Variants in PSD3 observed in about 807,000 individuals in gnomAD.
PSD3 encodes the protein PH and SEC7 domain-containing protein 3.
Under a neutral mutation model 105.5 loss-of-function variants are expected in PSD3, and 49 were observed. The observed-to-expected ratio is 0.46, with a 90% CI of 0.37 to 0.59. The LOEUF (loss-of-function observed/expected upper bound fraction) is 0.59. PSD3 is among the 20% of genes least tolerant of loss of function. PSD3 has a pLI of 0.00. For synonymous variants in PSD3, 557 were observed against 457.8 expected, an observed-to-expected ratio of 1.22 and a Z score of -2.77; for missense variants, 1,561 against 1,263.8, an observed-to-expected ratio of 1.24 and a Z score of -3.57.
intron 1 of PSD3, among the ~76,000 whole-genome samples, chr8:19,053,330 GCA>G (rs1407904020): frequency 1.3e-5 from 2 of 152,058 alleles, no homozygotes; most frequent in Admixed American, 6.5e-5. Flanking sequence ...GCCCCCTGCT[GCA>G]CACACCCACT....
At chr8:18,734,799 C>T (rs573807045) in intron 9 of PSD3, among the ~76,000 whole-genome samples, 2 of 152,304 alleles carry the variant, frequency 1.3e-5, no homozygotes, top group South Asian at 2.1e-4. Flanking sequence ...AGGAAGACCA[C>T]AGTTTCTCAT....
chr8:18,795,756 C>T (rs151211640), intron 8 of PSD3, among the ~76,000 whole-genome samples: 62 of 152,288 alleles, frequency 4.1e-4, no homozygotes, highest in South Asian at 2.9e-3. Context: ...GGAAACAGAA[C>T]GCATTTGAAG....
In PSD3 at chr8:18,534,393, G is replaced by C. The variant is rs1799749939; in HGVS notation, c.*1350C>G. On this transcript the variant is annotated 3_prime_UTR_variant, in exon 16 of 16. Coordinates refer to ENST00000327040, the MANE Select transcript of PSD3 (RefSeq NM_015310.4). ...CTCTTCCTCTACAGAAGAATATTCT[G>C]TTTATCACCCTGAACTTCAAAGGGA... is the stretch of plus-strand genomic sequence containing the variant. 6.6e-6 allele frequency: 1 copy of C among 152,588 alleles called. No individual in the cohort carries two copies. Among genetic ancestry groups the C allele is most frequent in the Non-Finnish European group, 1.5e-5 (1 of 68,020 alleles). 9.5% of individuals were successfully genotyped at this position (152,588 alleles called of 1,614,324 possible). A position where few individuals can be genotyped will look rare whatever the true frequency, so the allele number is the denominator to read the frequency against.
At chr8:18,657,487 T>C (rs897043890) in intron 9 of PSD3, among the ~76,000 whole-genome samples, 8 of 152,184 alleles carry the variant, frequency 5.3e-5, no homozygotes, top group Non-Finnish European at 8.8e-5. Flanking sequence ...ATGATAGGTA[T>C]TCTCAAACAC....
rs570436177 is a variant in PSD3, at chr8:18,737,586, G to C, written c.2172+27863C>G. On this transcript the variant is annotated intron_variant, in intron 9 of 15. Coordinates refer to ENST00000327040, the MANE Select transcript of PSD3 (RefSeq NM_015310.4). ...CAGAGTGCTGGGATTACAGGTGTGA[G>C]TCACTACGCTTGGCCTCTATGCTAT... Among the ~76,000 whole-genome samples the C allele has an allele frequency of 7.2e-5, 11 of 152,300 alleles. No individual in the cohort carries two copies. In the South Asian group the frequency reaches 2.3e-3, roughly 32 times the overall value.
intron 9 of PSD3, among the ~76,000 whole-genome samples, chr8:18,708,546 C>T (rs901919036): frequency 6.6e-6 from 1 of 152,094 alleles, no homozygotes; most frequent in South Asian, 2.1e-4. Context: ...GCTGTCTCTC[C>T]GTGTTTTTCC....
At chr8:18,567,911 G>A (rs1245333684) in intron 14 of PSD3, among the ~76,000 whole-genome samples, 1 of 152,158 alleles carries the variant, frequency 6.6e-6, no homozygotes, top group Non-Finnish European at 1.5e-5. Context: ...TGCGTTATGG[G>A]GGTAGATCCC....
At chr8:18,666,963 T>C (rs1799503839) in intron 9 of PSD3, among the ~76,000 whole-genome samples, 2 of 152,164 alleles carry the variant, frequency 1.3e-5, no homozygotes, top group African/African-American at 4.8e-5. Context: ...TGTCCGCAGT[T>C]TGTTCATTCC....
chr8:18,572,153 C>T (rs2717756), intron 14 of PSD3, among the ~76,000 whole-genome samples: 127,867 of 152,194 alleles, frequency 0.84, 53,765 homozygotes, highest in Middle Eastern at 0.9. Context: ...GCACTAAACA[C>T]ATCCTGGAAT....
intron 9 of PSD3, among the ~76,000 whole-genome samples, chr8:18,694,004 A>T (rs1310759503): frequency 1.3e-5 from 2 of 152,204 alleles, no homozygotes; most frequent in African/African-American, 4.8e-5. Context: ...GAATGCTAGG[A>T]AAGATCTGAA....
At chr8:18,925,482 G>C (rs1039469458) in intron 2 of PSD3, among the ~76,000 whole-genome samples, 1 of 151,830 alleles carries the variant, frequency 6.6e-6, no homozygotes, top group Non-Finnish European at 1.5e-5. Flanking sequence ...CAAAGAATCT[G>C]AATAGACATT....
chr8:18,596,691 T>G (rs1804126288), intron 12 of PSD3, among the ~76,000 whole-genome samples: 1 of 152,038 alleles, frequency 6.6e-6, no homozygotes, highest in Non-Finnish European at 1.5e-5. Context: ...GAAACTGTTA[T>G]GAACAATTAT....
chr8:18,548,345 ATATTAT>A (rs1003465394), intron 15 of PSD3, among the ~76,000 whole-genome samples: 17 of 152,206 alleles, frequency 1.1e-4, no homozygotes, highest in African/African-American at 2.4e-4. Flanking sequence ...GGTTACTAGA[ATATTAT>A]TATTATTATT....
chr8:18,853,351 G>C (rs1052390833), intron 4 of PSD3, among the ~76,000 whole-genome samples: 8 of 152,142 alleles, frequency 5.3e-5, no homozygotes, highest in Non-Finnish European at 1.2e-4. Flanking sequence ...TGGAGTTCTT[G>C]CTGGGTTCTG....
At chr8:18,637,591 A>G (rs372837472) in intron 10 of PSD3, among the ~76,000 whole-genome samples, 5 of 152,316 alleles carry the variant, frequency 3.3e-5, no homozygotes, top group African/African-American at 9.6e-5. Flanking sequence ...ATTCATCCAT[A>G]TTGTAATGTG....
At chr8:18,913,025 G>T (rs1820338467) in intron 2 of PSD3, among the ~76,000 whole-genome samples, 1 of 149,698 alleles carries the variant, frequency 6.7e-6, no homozygotes, top group African/African-American at 2.5e-5. Context: ...ATAATTGTGT[G>T]ATCATTAAAA....
intron 2 of PSD3, among the ~76,000 whole-genome samples, chr8:18,892,254 C>T (rs990605536): frequency 1.3e-5 from 2 of 150,478 alleles, no homozygotes; most frequent in Non-Finnish European, 2.9e-5. Context: ...GACAGAGTCT[C>T]GCTCTGTTGC....
At chr8:19,023,100 G>A (rs1488988498) in intron 1 of PSD3, among the ~76,000 whole-genome samples, 1 of 152,106 alleles carries the variant, frequency 6.6e-6, no homozygotes, top group Non-Finnish European at 1.5e-5. Flanking sequence ...TATATTTGAA[G>A]GTAATAATTC....
intron 15 of PSD3, among the ~76,000 whole-genome samples, chr8:18,552,756 T>C (rs940487345): frequency 2.0e-5 from 3 of 152,238 alleles, no homozygotes; most frequent in Non-Finnish European, 2.9e-5. Context: ...TGTAGACTTG[T>C]CATGCTTAAA....
Sources: gnomAD v4.1 joint callset for allele counts (sites outside exome capture counted in the v4.1 genomes callset) on GRCh38, gnomAD v4.1.1 for gene constraint, MANE v1.5 for transcripts, NCBI Gene and HGNC (gene_info 2026-07-23, HGNC 2026-07-21) for gene names.